MBD5: variants seen among roughly 807,000 people sequenced by gnomAD.
The protein encoded by MBD5 is methyl-CpG binding domain protein 5, also known as methyl-CpG-binding domain protein 5.
A neutral mutation model predicts 117.3 loss-of-function variants in MBD5; 13 were observed. That is an observed-to-expected ratio of 0.11 (90% CI 0.07 to 0.18). The LOEUF is 0.18. Among genes scored for constraint, MBD5 ranks in the 10% least tolerant of loss-of-function variants. The probability of loss-of-function intolerance (pLI) is 1.00; values close to 1 mark genes in which losing one functional copy is unlikely to be tolerated. For missense variants in MBD5, 1,879 were observed against 2,093.8 expected (o/e 0.90, Z 2.00); for synonymous variants, 727 against 766.4 (o/e 0.95, Z 0.85).
chr2:148,438,704 G>C (rs1242217341), intron 4 of MBD5, among the ~76,000 whole-genome samples: 2 of 152,140 alleles, frequency 1.3e-5, no homozygotes, highest in Non-Finnish European at 2.9e-5. Flanking sequence ...CTGCAAGCTG[G>C]AGATCCTGGG....
chr2:148,061,170 A>G (rs1695025360), intron 1 of MBD5, among the ~76,000 whole-genome samples: 1 of 152,060 alleles, frequency 6.6e-6, no homozygotes, highest in Non-Finnish European at 1.5e-5. Context: ...TTATTCCTTT[A>G]CAAAGTGTTC....
intron 3 of MBD5, among the ~76,000 whole-genome samples, chr2:148,298,320 A>G (rs1397746377): frequency 6.6e-6 from 1 of 152,096 alleles, no homozygotes; most frequent in African/African-American, 2.4e-5. Context: ...CTTGGCTGGG[A>G]GGTGGGGAGA....
At chr2:148,040,077 T>A (rs1373053810) in intron 1 of MBD5, among the ~76,000 whole-genome samples, 1 of 152,102 alleles carries the variant, frequency 6.6e-6, no homozygotes. Flanking sequence ...ATGTATTGGG[T>A]ACTATGCTTA....
chr2:148,402,463 A>G (rs1704952667), intron 4 of MBD5, among the ~76,000 whole-genome samples: 1 of 152,192 alleles, frequency 6.6e-6, no homozygotes. Context: ...TGCAATCAAG[A>G]TAATGAAAAT....
chr2:148,304,989 C>T (rs1162309438), intron 3 of MBD5, among the ~76,000 whole-genome samples: 2 of 150,812 alleles, frequency 1.3e-5, no homozygotes, highest in African/African-American at 4.9e-5. Flanking sequence ...GGCGTGAACC[C>T]GGGAGGCGGA....
chr2:148,365,991 C>G (rs1230621424), intron 4 of MBD5, among the ~76,000 whole-genome samples: 1 of 152,150 alleles, frequency 6.6e-6, no homozygotes, highest in African/African-American at 2.4e-5. Flanking sequence ...CCAGCATCAT[C>G]CTGATACCAA....
At chr2:148,423,599 C>T (rs1298231955) in intron 4 of MBD5, among the ~76,000 whole-genome samples, 2 of 152,080 alleles carry the variant, frequency 1.3e-5, no homozygotes, top group Non-Finnish European at 2.9e-5. Flanking sequence ...CAAAAACATA[C>T]CAAATTGTAA....
chr2:148,056,744 T>A (rs945110058), intron 1 of MBD5, among the ~76,000 whole-genome samples: 12 of 151,992 alleles, frequency 7.9e-5, no homozygotes, highest in Non-Finnish European at 1.8e-4. Flanking sequence ...GTAATTGCCC[T>A]TTTTAAAAAA....
intron 1 of MBD5, among the ~76,000 whole-genome samples, chr2:148,095,704 AAATT>A (rs1229747957): frequency 1.3e-5 from 2 of 152,028 alleles, no homozygotes; most frequent in Non-Finnish European, 2.9e-5. Flanking sequence ...ACCTATTTTA[AAATT>A]AATTAAGTTA....
At chr2:148,077,221 T>A (rs887090247) in intron 1 of MBD5, among the ~76,000 whole-genome samples, 1 of 152,208 alleles carries the variant, frequency 6.6e-6, no homozygotes, top group Non-Finnish European at 1.5e-5. Flanking sequence ...GTGTGCCTTT[T>A]GTTTAATCTG....
chr2:148,148,034 G>T (rs1574065558), intron 1 of MBD5, among the ~76,000 whole-genome samples: 1 of 151,922 alleles, frequency 6.6e-6, no homozygotes, highest in Non-Finnish European at 1.5e-5. Flanking sequence ...TGATTTTTTT[G>T]TAAGCCTCTT....
chr2:148,184,057 T>G (rs371529873), intron 2 of MBD5, among the ~76,000 whole-genome samples: 124 of 151,126 alleles, frequency 8.2e-4, no homozygotes, highest in African/African-American at 2.9e-3. Context: ...TCTGACTCTG[T>G]CACCTGGGCT....
chr2:148,358,944 T>A (rs763826721), intron 4 of MBD5, among the ~76,000 whole-genome samples: 2 of 152,132 alleles, frequency 1.3e-5, no homozygotes, highest in Non-Finnish European at 2.9e-5. Context: ...GTTAGCTTTA[T>A]ACCAGCCTTG....
chr2:148,389,279 T>C (rs866580802), intron 4 of MBD5, among the ~76,000 whole-genome samples: 2 of 92,292 alleles, frequency 2.2e-5, no homozygotes, highest in East Asian at 6.9e-4. Context: ...TATATATATA[T>C]ATATATATAT....
At chr2:148,166,848 A>C (rs1166672689) in intron 1 of MBD5, among the ~76,000 whole-genome samples, 1 of 151,988 alleles carries the variant, frequency 6.6e-6, no homozygotes, top group Non-Finnish European at 1.5e-5. Context: ...ATAACTTCTT[A>C]ATATGTTCCT....
At chr2:148,031,215 A>G (rs1272506607) in intron 1 of MBD5, among the ~76,000 whole-genome samples, 1 of 152,190 alleles carries the variant, frequency 6.6e-6, no homozygotes, top group Non-Finnish European at 1.5e-5. Flanking sequence ...TGAATAGAGG[A>G]CAAAAATAAA....
chr2:148,341,747 T>C (rs1702952562), intron 3 of MBD5, among the ~76,000 whole-genome samples: 1 of 151,948 alleles, frequency 6.6e-6, no homozygotes, highest in Non-Finnish European at 1.5e-5. Flanking sequence ...CATTTTAAAG[T>C]GGGAATGTTA....
In MBD5 at chr2:148,120,814, A is replaced by G. The variant is rs930785117; in HGVS notation, c.-924-57886A>G. On this transcript the variant is annotated intron_variant, in intron 1 of 13. Transcript: ENST00000642680. ...TTTCTTGTCTGGAAACTCCAGTACA[A>G]TGTTTAATACAGACAGTGAAAGTCT... is the stretch of plus-strand genomic sequence containing the variant. 6.6e-5 allele frequency among the ~76,000 whole-genome samples: 10 copies of G among 152,176 alleles called. 1 individual carries two copies. Among genetic ancestry groups the G allele is most frequent in the Non-Finnish European group, 1.0e-4 (7 of 68,030 alleles).
intron 3 of MBD5, among the ~76,000 whole-genome samples, chr2:148,282,955 A>C (rs889375415): frequency 7.3e-6 from 1 of 136,372 alleles, no homozygotes; most frequent in Non-Finnish European, 1.6e-5. Context: ...GTGTATTTTT[A>C]TGTCAGACAT....
Sources: gnomAD v4.1 joint callset for allele counts (sites outside exome capture counted in the v4.1 genomes callset) on GRCh38, gnomAD v4.1.1 for gene constraint, MANE v1.5 for transcripts, NCBI Gene and HGNC (gene_info 2026-07-23, HGNC 2026-07-21) for gene names.